C10orf67: variants seen among roughly 807,000 people sequenced by gnomAD.
C10orf67 encodes chromosome 10 open reading frame 67.
A neutral mutation model predicts 35.6 loss-of-function variants in C10orf67; 60 were observed. That is an observed-to-expected ratio of 1.68 (90% confidence interval 1.37 to 2.09). The LOEUF is 2.09. Among genes scored for constraint, C10orf67 ranks in the 30% most tolerant of loss-of-function variants. The pLI is 0.00. For synonymous variants in C10orf67, 167 were observed against 115.8 expected, an observed-to-expected ratio of 1.44 and a Z score of -2.84; for missense variants, 474 against 330.2, an observed-to-expected ratio of 1.44 and a Z score of -3.38.
chr10:23,286,989 T>C (rs1410732800), intron 7 of C10orf67, among the ~76,000 whole-genome samples: 1 of 152,028 alleles, frequency 6.6e-6, no homozygotes, highest in African/African-American at 2.4e-5. Flanking sequence ...CACAAACAAA[T>C]GAAAAAACAT....
chr10:23,281,783 C>G (rs1225376081), intron 8 of C10orf67, among the ~76,000 whole-genome samples: 6 of 152,060 alleles, frequency 3.9e-5, no homozygotes, highest in African/African-American at 1.2e-4. Flanking sequence ...AATGGTAATA[C>G]TATTTTTTAC....
At chr10:23,325,532 CAAAA>C (rs869275809) in intron 2 of C10orf67, among the ~76,000 whole-genome samples, 1 of 92,926 alleles carries the variant, frequency 1.1e-5, no homozygotes, top group Non-Finnish European at 2.2e-5. Flanking sequence ...TAATTGTGTG[CAAAA>C]AAAAAAAAAA....
chr10:23,279,381 T>C (rs549766914), intron 8 of C10orf67, among the ~76,000 whole-genome samples: 125 of 152,360 alleles, frequency 8.2e-4, no homozygotes, highest in African/African-American at 3.0e-3. Flanking sequence ...CCTAACTGGA[T>C]GGCCAAATAC....
chr10:23,326,529 G>T (rs1373114006), intron 2 of C10orf67, among the ~76,000 whole-genome samples: 3 of 152,048 alleles, frequency 2.0e-5, no homozygotes, highest in East Asian at 3.8e-4. Flanking sequence ...AATTTGGGCT[G>T]GAAAGCTAGA....
At chr10:23,262,078 C>T (rs113292359) in intron 10 of C10orf67, among the ~76,000 whole-genome samples, 189 of 152,292 alleles carry the variant, frequency 1.2e-3, no homozygotes, top group African/African-American at 4.4e-3. Context: ...AGTCCACTGC[C>T]AGCATCTAGA....
At chr10:23,328,473 G>C (rs568519580) in intron 2 of C10orf67, among the ~76,000 whole-genome samples, 1 of 152,266 alleles carries the variant, frequency 6.6e-6, no homozygotes, top group Admixed American at 6.5e-5. Flanking sequence ...CTTGCTACTG[G>C]ATCAGAACTA....
At chr10:23,242,887 C>A (rs1842219405) in intron 12 of C10orf67, among the ~76,000 whole-genome samples, 1 of 152,086 alleles carries the variant, frequency 6.6e-6, no homozygotes, top group Non-Finnish European at 1.5e-5. Context: ...ACAAACCCAA[C>A]TATCGTATTT....
rs1017555835 is a variant in C10orf67 at position 23,320,110 on chromosome 10, C to T, written c.546+631G>A. On this transcript the variant is annotated intron_variant, in intron 4 of 15. Coordinates refer to ENST00000636213, the MANE Select transcript of C10orf67 (RefSeq NM_001371909.1). ...TTAAGGTTGACAGTCTGGCATGGAACGGAGATACTTCACAAGCAATTACAT... is the reference window on the plus strand; with the variant it reads ...TTAAGGTTGACAGTCTGGCATGGAATGGAGATACTTCACAAGCAATTACAT... 8.5e-5 allele frequency among the ~76,000 whole-genome samples: 13 copies of T among 152,110 alleles called. 1 individual carries two copies. The highest frequency in any genetic ancestry group is 1.3e-4 in the Admixed American group (2 of 15,262).
intron 5 of C10orf67, among the ~76,000 whole-genome samples, chr10:23,296,299 T>C (rs780346466): frequency 2.6e-5 from 4 of 152,208 alleles, no homozygotes; most frequent in African/African-American, 7.2e-5. Flanking sequence ...CCTGGGTTTA[T>C]ATCCCGATCA....
At chr10:23,275,231 T>C (rs1843153360) in intron 8 of C10orf67, among the ~76,000 whole-genome samples, 1 of 152,148 alleles carries the variant, frequency 6.6e-6, no homozygotes, top group Non-Finnish European at 1.5e-5. Flanking sequence ...TGGCACGTAG[T>C]CCCAGCTACT....
At chr10:23,237,520 G>A (rs772214981) in intron 13 of C10orf67, among the ~76,000 whole-genome samples, 10 of 151,964 alleles carry the variant, frequency 6.6e-5, no homozygotes, top group Admixed American at 2.0e-4. Context: ...GAGCTCATTT[G>A]TCCAATGAGG....
At chr10:23,216,117 T>G (rs1177126542) in intron 15 of C10orf67, among the ~76,000 whole-genome samples, 1 of 152,142 alleles carries the variant, frequency 6.6e-6, no homozygotes, top group Non-Finnish European at 1.5e-5. Flanking sequence ...AAGAAGATAT[T>G]TGTGAAGCGT....
At chr10:23,277,954 C>A (rs576766675) in intron 8 of C10orf67, among the ~76,000 whole-genome samples, 1 of 152,176 alleles carries the variant, frequency 6.6e-6, no homozygotes, top group Non-Finnish European at 1.5e-5. Flanking sequence ...GAAGGGGGAG[C>A]AGGTGTCTCA....
intron 13 of C10orf67, among the ~76,000 whole-genome samples, chr10:23,229,484 A>G (rs1274557280): frequency 1.3e-5 from 2 of 151,394 alleles, no homozygotes; most frequent in Non-Finnish European, 2.9e-5. Flanking sequence ...CCTAATGTAA[A>G]TGATGAGTTA....
At chr10:23,343,933 G>A (rs1283572031) in intron 1 of C10orf67, 1 of 466,908 alleles carries the variant, frequency 2.1e-6, no homozygotes, top group East Asian at 7.2e-5. Flanking sequence ...TTGTTCAATA[G>A]AGGCCTCGAG....
chr10:23,235,017 A>C (rs1842011039), intron 13 of C10orf67, among the ~76,000 whole-genome samples: 1 of 150,930 alleles, frequency 6.6e-6, no homozygotes, highest in South Asian at 2.1e-4. Flanking sequence ...CATCTCAAAA[A>C]AAAAAAAAAA....
chr10:23,260,822 T>C (rs1842728900), intron 10 of C10orf67, among the ~76,000 whole-genome samples: 1 of 152,236 alleles, frequency 6.6e-6, no homozygotes, highest in Non-Finnish European at 1.5e-5. Flanking sequence ...TTCCTAATGT[T>C]TGCTCTCCTA....
chr10:23,228,028 G>C (rs950289696), intron 13 of C10orf67, among the ~76,000 whole-genome samples: 3 of 152,154 alleles, frequency 2.0e-5, no homozygotes, highest in Non-Finnish European at 2.9e-5. Flanking sequence ...GGAATTTATA[G>C]ATTCAATGCC....
At chr10:23,324,765 T>C (rs1007122873) in intron 2 of C10orf67, among the ~76,000 whole-genome samples, 5 of 152,352 alleles carry the variant, frequency 3.3e-5, no homozygotes, top group South Asian at 2.1e-4. Context: ...ACCTTCTTTA[T>C]TGTCCTTGAT....
Sources: gnomAD v4.1 joint callset for allele counts (sites outside exome capture counted in the v4.1 genomes callset) on GRCh38, gnomAD v4.1.1 for gene constraint, MANE v1.5 for transcripts, NCBI Gene and HGNC (gene_info 2026-07-23, HGNC 2026-07-21) for gene names.